The following SLC46A1 variants were observed in gnomAD, a reference collection of about 807,000 sequenced individuals.
SLC46A1 encodes the protein solute carrier family 46 member 1, also known as proton-coupled folate transporter.
In SLC46A1, 17 loss-of-function variants were observed where a neutral mutation model predicts 32.1. The ratio of observed to expected loss-of-function variants is 0.53; its 90% CI spans 0.36 to 0.79. SLC46A1 has a LOEUF of 0.79. Ranked by LOEUF, SLC46A1 falls within the 30% of genes least tolerant of loss-of-function variation. The pLI is 0.00. For missense variants in SLC46A1, 517 were observed against 588.2 expected, an observed-to-expected ratio of 0.88 and a Z score of 1.25; for synonymous variants, 240 against 262.7, an observed-to-expected ratio of 0.91 and a Z score of 0.84.
intron 3 of SLC46A1, chr17:28,401,442 C>A (rs576517138): frequency 1.0e-3 from 160 of 155,020 alleles, no homozygotes; most frequent in Non-Finnish European, 1.1e-3. Flanking sequence ...CCACAGTGGG[C>A]TCTGTATGGC....
In SLC46A1 at chr17:28,404,791, T is replaced by A; in HGVS notation, c.906A>T (p.Lys302Asn). The stretch of plus-strand genomic sequence containing the variant: ...GAGCTGCAGAACCATAGCCGATTAG[T>A]TTGGAGTCCCAGCAGAGGGGTGTGC... ...ELSTPLCWDS[K>N]LIGYGSAAQH... The change falls in exon 2 of 5, where the codon AAA becomes AAT. Residue 302 changes from lysine (K) to asparagine (N), a missense_variant. Lys to Asn is a moderately conservative substitution (Grantham distance 94). Transcript: ENST00000612814. The A allele has an allele frequency of 6.2e-7, 1 of 1,613,854 alleles. No homozygotes were observed. Among genetic ancestry groups the A allele is most frequent in the Non-Finnish European group, 8.5e-7 (1 of 1,179,852 alleles).
intron 2 of SLC46A1, chr17:28,403,533 C>T (rs1555590109): frequency 6.6e-6 from 1 of 152,220 alleles, no homozygotes; most frequent in African/African-American, 2.4e-5. Context: ...AGACCTCCCC[C>T]CGACCCAGAG....
intron 1 of SLC46A1, 104 bp from the exon 2 acceptor site, chr17:28,405,572 C>T: frequency 6.7e-7 from 1 of 1,483,052 alleles, no homozygotes; most frequent in Non-Finnish European, 9.1e-7. Context: ...TCCTTTGGAG[C>T]CCTAAACCTC....
chr17:28,405,951 A>C lies in SLC46A1; in HGVS notation c.164T>G (p.Leu55Arg), dbSNP rs781863442. 5 of 1,611,212 alleles carry C rather than the reference A, an allele frequency of 3.1e-6. No individual in the cohort carries two copies. The highest frequency in any genetic ancestry group is 2.7e-5 in the African/African-American group (2 of 74,864). Residue 55 changes from leucine (L) to arginine (R), a missense_variant, in exon 1 of 5, where the codon CTC becomes CGC. Physicochemically the swap from Leu to Arg is moderately radical, Grantham distance 102. Transcript: ENST00000612814. ...QYLWHRFSAD[L>R]GYNGTRQRGG... ...CCTTTGGCGGGTGCCATTGTAGCCG[A>C]GGTCGGCGCTGAAGCGGTGCCACAG...
chr17:28,400,066 T>A (rs1420440341), intron 4 of SLC46A1: 7 of 280,996 alleles, frequency 2.5e-5, no homozygotes, highest in African/African-American at 1.1e-4. Flanking sequence ...GGTGATTTTT[T>A]AAATTTTTTA....
In SLC46A1 at chr17:28,398,743, G is replaced by T. The variant is rs1157595360; in HGVS notation, c.*913C>A. The T allele has an allele frequency of 2.6e-5, 4 of 152,280 alleles. No homozygotes were observed. The highest frequency in any genetic ancestry group is 9.6e-5 in the African/African-American group (4 of 41,464). 9.4% of individuals were successfully genotyped at this position (152,280 alleles called of 1,614,324 possible). On this transcript the variant is annotated 3_prime_UTR_variant, in exon 5 of 5. Coordinates refer to ENST00000612814, the MANE Select transcript of SLC46A1 (RefSeq NM_080669.6). ...AGGCATCTCATTGTAGAATGTATGA[G>T]GAAGTGGGAAGTATCTCAGAGAATC... is the stretch of plus-strand genomic sequence containing the variant.
In SLC46A1 at chr17:28,406,199, G is replaced by T; in HGVS notation, c.-85C>A. 1 of 1,066,742 alleles carries T rather than the reference G, an allele frequency of 9.4e-7. No individual in the cohort carries two copies. The highest frequency in any genetic ancestry group is 1.2e-6 in the Non-Finnish European group (1 of 820,564). The allele number at this position is 1,066,742 out of a possible 1,614,324, so 66.1% of individuals were successfully genotyped here. A position where few individuals can be genotyped will look rare whatever the true frequency, so the allele number is the denominator to read the frequency against. ...CTGGGACCAGCGACGCGTGGCGTGG[G>T]GCTTGCGCTGTCTGCGCCTGCGCCC... On this transcript the variant is annotated 5_prime_UTR_variant, in exon 1 of 5. Coordinates refer to ENST00000612814, the MANE Select transcript of SLC46A1 (RefSeq NM_080669.6). The surrounding 1 kb of genome is among the most constrained non-coding windows in gnomAD (Gnocchi z 4.5).
chr17:28,399,316 G>T lies in SLC46A1; in HGVS notation c.*340C>A. The T allele has an allele frequency of 3.6e-6, 1 of 274,434 alleles. No homozygotes were observed. Among genetic ancestry groups the T allele is most frequent in the South Asian group, 6.0e-5 (1 of 16,552 alleles). The allele number at this position is 274,434 out of a possible 1,614,324, so 17.0% of individuals were successfully genotyped here. ...AGATGCCAGCCCTCGTGCTGCCTCT[G>T]GTCCCTGAAGTGTCACCTCTCTCAG... On this transcript the variant is annotated 3_prime_UTR_variant, in exon 5 of 5. Transcript: ENST00000612814.
At chr17:28,399,801 G>A (rs2068174440) in intron 4 of SLC46A1, 88 bp from the exon 5 acceptor site, 3 of 1,403,830 alleles carry the variant, frequency 2.1e-6, no homozygotes, top group Non-Finnish European at 3.0e-6. Context: ...TACTGGGGTG[G>A]GCTGGTCCAG....
intron 2 of SLC46A1, chr17:28,403,002 AGAG>A (rs1370269286): frequency 6.6e-6 from 1 of 152,264 alleles, no homozygotes; most frequent in African/African-American, 2.4e-5. Context: ...GAAGGCACAA[AGAG>A]GAGGAGAGTC....
Position 28,396,198 on chromosome 17 carries a change from T to C in SLC46A1, c.*3458A>G. The stretch of plus-strand genomic sequence containing the variant: ...CAGGAGGCCACCATTGAGAAGATCA[T>C]CCGCTTCCTGCAGGGCCGCTCCTCC... On this transcript the variant is annotated 3_prime_UTR_variant, in exon 5 of 5. Transcript: ENST00000612814. 6.2e-7 allele frequency: 1 copy of C among 1,613,960 alleles called. No homozygotes were observed. The highest frequency in any genetic ancestry group is 2.2e-5 in the East Asian group (1 of 44,878).
rs41297103 is a variant in SLC46A1, at chr17:28,402,109, T to C, written c.1165+129A>G. 1,086 of 732,932 alleles carry C rather than the reference T, an allele frequency of 1.5e-3. 15 individuals carry two copies. The African/African-American group carries it at 0.017, about 12-fold the overall frequency. The allele number at this position is 732,932 out of a possible 1,614,324, so 45.4% of individuals were successfully genotyped here. ...GGCAATTTCACAGAAATGTGTTTGTTTTGGCCACTTACTTCTCCAGGGTGA... is the reference window on the plus strand; with the variant it reads ...GGCAATTTCACAGAAATGTGTTTGTCTTGGCCACTTACTTCTCCAGGGTGA... On this transcript the variant is annotated intron_variant, in intron 3 of 4. Transcript: ENST00000612814.
rs1445440550 is a variant in SLC46A1, at chr17:28,402,232, A to G, written c.1165+6T>C. The G allele has an allele frequency of 1.2e-6, 2 of 1,611,156 alleles. No individual in the cohort carries two copies. Among genetic ancestry groups the G allele is most frequent in the Admixed American group, 1.7e-5 (1 of 59,702 alleles). ...GAACCAGACACAGGTGGGTTCTGAC[A>G]CTCACCCTGCTCTGTCTCTCTCACC... is the stretch of plus-strand genomic sequence containing the variant. On this transcript the variant is annotated splice_donor_region_variant and intron_variant, in intron 3 of 4. Transcript: ENST00000612814.
At chr17:28,405,630 G>T in intron 1 of SLC46A1, 162 bp from the exon 2 acceptor site, 1 of 1,136,174 alleles carries the variant, frequency 8.8e-7, no homozygotes, top group Non-Finnish European at 1.2e-6. Flanking sequence ...AGAGGGGGAA[G>T]GACATGGACC....
In SLC46A1 at chr17:28,406,079, G is replaced by T; in HGVS notation, c.36C>A (p.Arg12=). 1 of 1,583,522 alleles carries T rather than the reference G, an allele frequency of 6.3e-7. No homozygotes were observed. Among genetic ancestry groups the T allele is most frequent in the Non-Finnish European group, 8.6e-7 (1 of 1,167,258 alleles). Reference sequence around the variant, plus strand: ...ACAGCACGGCAGCCGCAGGGCGGGCGCGGGGCTTTTCCGGGGGGCTCGCGC... The same window carrying T: ...ACAGCACGGCAGCCGCAGGGCGGGCTCGGGGCTTTTCCGGGGGGCTCGCGC... ...EGSASPPEKP[R]ARPAAAVLCR... Residue 12 remains arginine (R), a synonymous_variant, in exon 1 of 5, where the codon CGC becomes CGA. Transcript: ENST00000612814. This position sits in a 1 kb window ranked among gnomAD's most constrained non-coding sequence, Gnocchi z 4.5.
intron 3 of SLC46A1, chr17:28,401,613 G>C (rs1242338574): frequency 6.6e-6 from 1 of 152,282 alleles, no homozygotes; most frequent in Admixed American, 6.5e-5. Flanking sequence ...CCCAACAGAA[G>C]TTGAGATTAA....
chr17:28,395,634 A>T lies in SLC46A1; in HGVS notation c.*4022T>A. ...CCCCCATAGCACCCCCCGGGCCCCC[A>T]GTGGGGAATCATCTCTTTAGCATAC... On this transcript the variant is annotated 3_prime_UTR_variant, in exon 5 of 5. Transcript: ENST00000612814. 2.7e-6 allele frequency: 1 copy of T among 371,560 alleles called. No individual in the cohort carries two copies. The highest frequency in any genetic ancestry group is 2.0e-5 in the African/African-American group (1 of 48,868). The allele number at this position is 371,560 out of a possible 1,614,324, so 23.0% of individuals were successfully genotyped here.
rs782214357 is a variant in SLC46A1, at chr17:28,405,995, G to A, written c.120C>T (p.Gly40=). The change falls in exon 1 of 5, where the codon GGC becomes GGT. Residue 40 remains glycine (G), a synonymous_variant. Coordinates refer to ENST00000612814, the MANE Select transcript of SLC46A1 (RefSeq NM_080669.6). ...FLANFALVLQ[G]PLTTQYLWHR... ...GCCACAGATACTGCGTGGTGAGCGG[G>A]CCCTGCAGGACCAAGGCAAAGTTGG... 4 of 1,611,224 alleles carry A rather than the reference G, an allele frequency of 2.5e-6. No individual in the cohort carries two copies. The African/African-American group carries it at 4.0e-5, about 16-fold the overall frequency.
At position 28,405,876 on chromosome 17, in the gene SLC46A1, C is replaced by T. The variant is rs1555591255; in HGVS notation, c.228+11G>A. 5 of 1,557,380 alleles carry T rather than the reference C, an allele frequency of 3.2e-6. No individual in the cohort carries two copies. The highest frequency in any genetic ancestry group is 4.3e-6 in the Non-Finnish European group (5 of 1,151,456). On this transcript the variant is annotated intron_variant, in intron 1 of 4. Coordinates refer to ENST00000612814, the MANE Select transcript of SLC46A1 (RefSeq NM_080669.6). ...GCCCTCCACCTGCCAGGCTCCTCGC[C>T]GCCCCGCTACCTGCATGGTGGGGTC...
Sources: gnomAD v4.1 joint callset for allele counts on GRCh38, gnomAD v4.1.1 for gene constraint, Gnocchi (gnomAD v3.1) non-coding constraint, MANE v1.5 for transcripts, NCBI Gene and HGNC (gene_info 2026-07-23, HGNC 2026-07-21) for gene names.